The following RGS6 variants were observed in gnomAD, a reference collection of about 807,000 sequenced individuals.
RGS6 encodes the protein regulator of G-protein signaling 6.
Under a neutral mutation model 78.5 loss-of-function variants are expected in RGS6, and 30 were observed. That is an observed-to-expected ratio of 0.38 (90% CI 0.29 to 0.52). The LOEUF is 0.52. RGS6 is among the 20% of genes least tolerant of loss of function. The pLI is 0.85. For missense variants in RGS6, 495 were observed against 609.7 expected, an observed-to-expected ratio of 0.81 and a Z score of 1.98; for synonymous variants, 206 against 206.0, an observed-to-expected ratio of 1.00 and a Z score of 0.00.
At chr14:72,447,535 C>T (rs2095395381) in intron 3 of RGS6, among the ~76,000 whole-genome samples, 1 of 152,170 alleles carries the variant, frequency 6.6e-6, no homozygotes, top group Non-Finnish European at 1.5e-5. Flanking sequence ...GCTGTCTCTC[C>T]CAGCCACGCA....
intron 2 of RGS6, among the ~76,000 whole-genome samples, chr14:72,069,999 C>G (rs946163949): frequency 6.6e-5 from 10 of 152,174 alleles, no homozygotes; most frequent in Non-Finnish European, 1.5e-4. Context: ...CTGAGAGTCT[C>G]TTCATGGCAA....
At chr14:72,050,731 T>C (rs965253267) in intron 2 of RGS6, among the ~76,000 whole-genome samples, 18 of 152,210 alleles carry the variant, frequency 1.2e-4, no homozygotes, top group Admixed American at 4.6e-4. Context: ...TCCTCTTATA[T>C]CCCAGTCTTT....
At chr14:72,111,813 T>G (rs1287090127) in intron 2 of RGS6, among the ~76,000 whole-genome samples, 1 of 152,170 alleles carries the variant, frequency 6.6e-6, no homozygotes, top group Non-Finnish European at 1.5e-5. Flanking sequence ...CAGAGGAGCA[T>G]TCAGACCATT....
At chr14:71,932,375 C>T (rs993349518), upstream of RGS6, 25 of 151,466 alleles carry the variant, frequency 1.7e-4, no homozygotes, top group African/African-American at 5.5e-4. Flanking sequence ...GGCTGCAGCT[C>T]CGCTCGGCAT....
At chr14:72,025,771 C>T (rs1422709110) in intron 2 of RGS6, among the ~76,000 whole-genome samples, 1 of 152,170 alleles carries the variant, frequency 6.6e-6, no homozygotes, top group East Asian at 1.9e-4. Context: ...TAGATGCTAT[C>T]ATTCTTCCCC....
intron 2 of RGS6, among the ~76,000 whole-genome samples, chr14:72,332,286 A>T (rs1252888631): frequency 2.0e-5 from 3 of 152,184 alleles, no homozygotes; most frequent in Admixed American, 6.5e-5. Flanking sequence ...GCCAAAAAAG[A>T]GCGTTGGCCA....
At chr14:71,884,092 C>T in the RGS6 span, among the ~76,000 whole-genome samples, 2 of 152,178 alleles carry the variant, frequency 1.3e-5, no homozygotes, top group Non-Finnish European at 2.9e-5. Context: ...TGTGTGAGAT[C>T]CGAGAACCCT....
chr14:71,873,636 G>C, the RGS6 span, among the ~76,000 whole-genome samples: 3 of 152,188 alleles, frequency 2.0e-5, no homozygotes, highest in Admixed American at 6.6e-5. Context: ...TGCAGAAACT[G>C]TTTAGTTTAA....
At chr14:72,178,620 T>G (rs538367272) in intron 2 of RGS6, among the ~76,000 whole-genome samples, 11 of 152,348 alleles carry the variant, frequency 7.2e-5, no homozygotes, top group African/African-American at 2.6e-4. Context: ...ATATACAAAA[T>G]GTTTCATGAA....
At chr14:72,414,767 A>G (rs2093680202) in intron 3 of RGS6, among the ~76,000 whole-genome samples, 2 of 152,136 alleles carry the variant, frequency 1.3e-5, no homozygotes, top group South Asian at 2.1e-4. Context: ...TTTTTCTTCT[A>G]TCAGTCAGGA....
intron 2 of RGS6, among the ~76,000 whole-genome samples, chr14:72,274,968 G>A (rs549875107): frequency 9.9e-5 from 15 of 152,242 alleles, no homozygotes; most frequent in Non-Finnish European, 1.5e-4. Flanking sequence ...TGGGGTTAAC[G>A]AACAACAGTA....
chr14:72,184,369 A>AACACACACACAC (rs10638767), intron 2 of RGS6, among the ~76,000 whole-genome samples: 3,604 of 141,288 alleles, frequency 0.026, 77 homozygotes, highest in Middle Eastern at 0.032. Flanking sequence ...TTTACTTTCA[A>AACACACACACAC]ACACACACAC....
intron 2 of RGS6, among the ~76,000 whole-genome samples, chr14:72,097,593 G>C (rs1205772088): frequency 2.6e-5 from 4 of 152,150 alleles, no homozygotes; most frequent in Non-Finnish European, 5.9e-5. Context: ...AGAAGGGGGC[G>C]GGTGTCTTTG....
At chr14:72,619,976 T>A in the RGS6 span, 9 of 1,532,878 alleles carry the variant, frequency 5.9e-6, no homozygotes, top group East Asian at 1.7e-4. Context: ...CGCAGAAGAG[T>A]AGCTGGTCCT....
intron 1 of RGS6, among the ~76,000 whole-genome samples, chr14:71,957,330 G>T (rs374333002): frequency 6.6e-6 from 1 of 152,158 alleles, no homozygotes; most frequent in African/African-American, 2.4e-5. Flanking sequence ...CACAGAGCAG[G>T]GATTTGTGTT....
At chr14:71,870,829 C>A in the RGS6 span, among the ~76,000 whole-genome samples, 11 of 152,172 alleles carry the variant, frequency 7.2e-5, no homozygotes, top group African/African-American at 2.7e-4. Flanking sequence ...CCACTGTGAT[C>A]ACCCAGCTGA....
chr14:72,154,513 G>T (rs892056107), intron 2 of RGS6, among the ~76,000 whole-genome samples: 1 of 152,122 alleles, frequency 6.6e-6, no homozygotes, highest in Admixed American at 6.5e-5. Context: ...TGTTTGGGGG[G>T]GGTCCCTGAC....
intron 2 of RGS6, among the ~76,000 whole-genome samples, chr14:72,090,099 C>G (rs1597383597): frequency 8.7e-6 from 1 of 115,326 alleles, no homozygotes; most frequent in Non-Finnish European, 1.6e-5. Flanking sequence ...GGTGACAGAG[C>G]AAGACTCCAT....
chr14:72,487,308 G>T (rs2096506018), intron 12 of RGS6, among the ~76,000 whole-genome samples: 1 of 152,206 alleles, frequency 6.6e-6, no homozygotes, highest in Admixed American at 6.5e-5. Flanking sequence ...AATATAGTAA[G>T]AAATACATAA....
Sources: gnomAD v4.1 joint callset for allele counts (sites outside exome capture counted in the v4.1 genomes callset) on GRCh38, gnomAD v4.1.1 for gene constraint, MANE v1.5 for transcripts, NCBI Gene and HGNC (gene_info 2026-07-23, HGNC 2026-07-21) for gene names.